Variants in CD163L1 observed in about 807,000 individuals in gnomAD.
The protein encoded by CD163L1 is scavenger receptor cysteine-rich type 1 protein M160.
In CD163L1, 124 loss-of-function variants were observed where a neutral mutation model predicts 165.4. The ratio of observed to expected loss-of-function variants is 0.75; its 90% CI spans 0.65 to 0.87. The LOEUF is 0.87. Among genes scored for constraint, CD163L1 ranks in the 40% least tolerant of loss-of-function variants. CD163L1 has a pLI of 0.00. For synonymous variants in CD163L1, 585 were observed against 662.2 expected (o/e 0.88, Z 1.79); for missense variants, 1,525 against 1,799.9 (o/e 0.85, Z 2.76).
Position 7,375,272 on chromosome 12 carries a change from T to C in CD163L1, c.3001+9A>G, listed in dbSNP as rs371208228. 1.2e-5 allele frequency: 20 copies of C among 1,613,004 alleles called. No individual in the cohort carries two copies. The African/African-American group carries it at 2.7e-4, about 22-fold the overall frequency. On this transcript the variant is annotated intron_variant, in intron 11 of 19. Coordinates refer to ENST00000313599, the MANE Select transcript of CD163L1 (RefSeq NM_174941.6). The stretch of plus-strand genomic sequence containing the variant: ...TGACAGTAGTTAACCATAAGCACTA[T>C]TCTCTTACCTGTGCAGATCACAGAG...
intron 2 of CD163L1, among the ~76,000 whole-genome samples, chr12:7,437,653 A>T (rs902155229): frequency 6.7e-6 from 1 of 150,272 alleles, no homozygotes; most frequent in Non-Finnish European, 1.5e-5. Context: ...TGTCCCTACA[A>T]AGGGCATGAA....
intron 8 of CD163L1, among the ~76,000 whole-genome samples, chr12:7,386,540 C>T (rs943554382): frequency 4.0e-5 from 6 of 150,464 alleles, no homozygotes; most frequent in African/African-American, 1.5e-4. Context: ...AGGCCAATAT[C>T]CTTGATGAAC....
At chr12:7,338,327 TAAATA>T in the CD163L1 span, among the ~76,000 whole-genome samples, 1 of 152,084 alleles carries the variant, frequency 6.6e-6, no homozygotes, top group Admixed American at 6.5e-5. Context: ...TAAAAATAAA[TAAATA>T]AAAAGAAAAA....
chr12:7,433,680 C>T lies in CD163L1; in HGVS notation c.139G>A (p.Glu47Lys). 6.2e-7 allele frequency: 1 copy of T among 1,609,970 alleles called. No homozygotes were observed. Among genetic ancestry groups the T allele is most frequent in the South Asian group, 1.1e-5 (1 of 90,396 alleles). ...LISSFNGTDL[E>K]LRLVNGDGPC... ...CCGTCTCCATTGACCAGCCTCAACT[C>T]CAAATCTGTTCCATCTGCAAGAAAG... The change falls in exon 3 of 20, where the codon GAG becomes AAG. Residue 47 changes from glutamate to lysine, a missense_variant. Physicochemically the swap from Glu to Lys is moderately conservative, Grantham distance 56. Transcript: ENST00000313599.
In CD163L1 at chr12:7,374,383, TGTGTGTGCAA is replaced by T; in HGVS notation, c.3409+49_3409+58del. 3 of 1,493,006 alleles carry T rather than the reference TGTGTGTGCAA, an allele frequency of 2.0e-6. No homozygotes were observed. Among genetic ancestry groups the T allele is most frequent in the African/African-American group, 1.4e-5 (1 of 72,138 alleles). The allele number at this position is 1,493,006 out of a possible 1,614,324, so 92.5% of individuals were successfully genotyped here. Reference sequence around the variant, plus strand: ...TTCACTACACTTTACAATTGTGTTGTGTGTGTGCAAGTGTGTGCACGTGTGTGTAGAGGAG... The same window carrying T: ...TTCACTACACTTTACAATTGTGTTGTGTGTGTGCACGTGTGTGTAGAGGAG... On this transcript the variant is annotated intron_variant, in intron 13 of 19. Transcript: ENST00000313599. The surrounding 1 kb of genome is among the most constrained non-coding windows in gnomAD (Gnocchi z 5.4).
intron 8 of CD163L1, among the ~76,000 whole-genome samples, chr12:7,390,940 T>A (rs1286550243): frequency 6.6e-6 from 1 of 152,192 alleles, no homozygotes; most frequent in Admixed American, 6.6e-5. Context: ...AAGGCAGTTC[T>A]TGACATCTTT....
intron 8 of CD163L1, among the ~76,000 whole-genome samples, chr12:7,384,927 G>C (rs756583784): frequency 1.4e-4 from 21 of 151,740 alleles, no homozygotes; most frequent in Non-Finnish European, 2.5e-4. Context: ...TAAATAATGA[G>C]AGAAGAAAAT....
At chr12:7,348,814 T>G (rs1238834511) in intron 4 of CD163L1, among the ~76,000 whole-genome samples, 16 of 30,728 alleles carry the variant, frequency 5.2e-4, no homozygotes, top group Non-Finnish European at 4.0e-4. Context: ...CCTTGTTATG[T>G]TTTTTTTTTT....
downstream of CD163L1, among the ~76,000 whole-genome samples, chr12:7,345,023 G>A (rs1257358592): frequency 6.6e-6 from 1 of 152,136 alleles, no homozygotes. Flanking sequence ...TGCCTTCAGG[G>A]CCTCTTTTTC....
chr12:7,343,332 G>A (rs1334374143), downstream of CD163L1, among the ~76,000 whole-genome samples: 1 of 152,170 alleles, frequency 6.6e-6, no homozygotes, highest in African/African-American at 2.4e-5. Flanking sequence ...ATAACAATTT[G>A]TGACAAAGAA....
rs760029962 is a variant in CD163L1 at position 7,444,144 on chromosome 12, C to T, written c.-17G>A. ...CAGCATCATTATGGGTCTATCTCTT[C>T]CTGAGTCCTGATGTAACTCCTGGGT... On this transcript the variant is annotated 5_prime_UTR_variant, in exon 1 of 20. Transcript: ENST00000313599. 3 of 1,613,338 alleles carry T rather than the reference C, an allele frequency of 1.9e-6. No individual in the cohort carries two copies. Among genetic ancestry groups the T allele is most frequent in the Non-Finnish European group, 2.5e-6 (3 of 1,179,560 alleles).
chr12:7,325,397 G>A, the CD163L1 span, among the ~76,000 whole-genome samples: 22 of 152,192 alleles, frequency 1.4e-4, no homozygotes, highest in South Asian at 6.2e-4. Flanking sequence ...CTGTAATCCC[G>A]GCACTTTGGG....
chr12:7,432,390 T>G lies in CD163L1; in HGVS notation c.766+26A>C. 1 of 1,538,034 alleles carries G rather than the reference T, an allele frequency of 6.5e-7. No individual in the cohort carries two copies. On this transcript the variant is annotated intron_variant, in intron 4 of 19. Coordinates refer to ENST00000313599, the MANE Select transcript of CD163L1 (RefSeq NM_174941.6). The surrounding 1 kb of genome is among the most constrained non-coding windows in gnomAD (Gnocchi z 4.2). ...TGTTTCTAAACAAATTGTTCCTTTC[T>G]TCTACATGATGTCTTGGGTTCTTAC...
At chr12:7,332,001 T>G in the CD163L1 span, among the ~76,000 whole-genome samples, 1 of 151,780 alleles carries the variant, frequency 6.6e-6, no homozygotes, top group Non-Finnish European at 1.5e-5. Flanking sequence ...AAGGAGGAAG[T>G]TCGAACCAAT....
chr12:7,396,485 A>G (rs2136498714), intron 7 of CD163L1, 70 bp from the exon 8 acceptor site: 1 of 1,409,612 alleles, frequency 7.1e-7, no homozygotes, highest in Non-Finnish European at 9.5e-7. Flanking sequence ...ACTTGGCTGG[A>G]CTATGATACC....
At chr12:7,383,339 C>T (rs1947451635) in intron 8 of CD163L1, among the ~76,000 whole-genome samples, 2 of 152,186 alleles carry the variant, frequency 1.3e-5, no homozygotes, top group African/African-American at 2.4e-5. Context: ...CTGCCCAGCA[C>T]TGCTAGCACC....
chr12:7,401,465 G>A (rs1477622404), intron 6 of CD163L1, among the ~76,000 whole-genome samples: 3 of 151,892 alleles, frequency 2.0e-5, no homozygotes, highest in Non-Finnish European at 2.9e-5. Context: ...AGATGCATAT[G>A]GTTTTACATG....
At chr12:7,353,470 A>G (rs1320621297), downstream of CD163L1, among the ~76,000 whole-genome samples, 1 of 152,140 alleles carries the variant, frequency 6.6e-6, no homozygotes, top group African/African-American at 2.4e-5. Flanking sequence ...TTATCTAGAT[A>G]CCATCAAGCT....
At position 7,432,466 on chromosome 12, in the gene CD163L1, C is replaced by T; in HGVS notation, c.716G>A (p.Trp239Ter). The T allele has an allele frequency of 6.2e-7, 1 of 1,614,080 alleles. No individual in the cohort carries two copies. The highest frequency in any genetic ancestry group is 2.2e-5 in the East Asian group (1 of 44,876). Residue 239 changes from tryptophan (W) to a stop codon, truncating the protein, a stop_gained, in exon 4 of 20, where the codon TGG becomes TAG. Transcript: ENST00000313599. LOFTEE classifies it high-confidence loss of function. This position sits in a 1 kb window ranked among gnomAD's most constrained non-coding sequence, Gnocchi z 4.2. ...LALWNCRHRGWGNHDCSHNED... is the reference protein window; with the variant it reads ...LALWNCRHRG ...ATTGTGACTGCAGTCATGATTTCCCCATCCACGATGTCTGCAATTCCAGAG... is the reference window on the plus strand; with the variant it reads ...ATTGTGACTGCAGTCATGATTTCCCTATCCACGATGTCTGCAATTCCAGAG...
Sources: allele counts gnomAD v4.1 joint callset (sites outside exome capture counted in the v4.1 genomes callset), GRCh38; gene constraint gnomAD v4.1.1; non-coding constraint Gnocchi (gnomAD v3.1); transcripts MANE v1.5; gene names NCBI Gene and HGNC (gene_info 2026-07-23, HGNC 2026-07-21).